The following SVIL variants were observed in gnomAD, a reference collection of about 807,000 sequenced individuals.
The protein encoded by SVIL is archvillin.
A neutral mutation model predicts 240.4 loss-of-function variants in SVIL; 101 were observed. The observed-to-expected ratio is 0.42, with a 90% confidence interval of 0.36 to 0.50. The LOEUF (loss-of-function observed/expected upper bound fraction) is 0.50. Ranked by LOEUF, SVIL falls within the 20% of genes least tolerant of loss-of-function variation. SVIL has a pLI of 0.01. For synonymous variants in SVIL, 999 were observed against 1,100.0 expected, an observed-to-expected ratio of 0.91 and a Z score of 1.82; for missense variants, 2,512 against 2,818.7, an observed-to-expected ratio of 0.89 and a Z score of 2.46.
intron 13 of SVIL, among the ~76,000 whole-genome samples, chr10:29,526,301 C>CTT (rs1950903617): frequency 1.6e-5 from 2 of 122,314 alleles, no homozygotes; most frequent in South Asian, 2.6e-4. Flanking sequence ...CTTTTTTTCT[C>CTT]TTTCTTTTTT....
At chr10:29,645,200 C>G (rs1589444878) in intron 3 of SVIL, among the ~76,000 whole-genome samples, 1 of 152,176 alleles carries the variant, frequency 6.6e-6, no homozygotes, top group East Asian at 1.9e-4. Context: ...ATTCTAAAAA[C>G]TTGAAATTCT....
intron 1 of SVIL, among the ~76,000 whole-genome samples, chr10:29,692,656 A>AT (rs1564768155): frequency 2.0e-5 from 3 of 149,698 alleles, no homozygotes; most frequent in Non-Finnish European, 4.4e-5. Context: ...TATATATATA[A>AT]AAATATATTT....
intron 22 of SVIL, among the ~76,000 whole-genome samples, chr10:29,489,030 A>C (rs1947705447): frequency 6.6e-6 from 1 of 152,264 alleles, no homozygotes; most frequent in Admixed American, 6.5e-5. Context: ...TGGACCAGCT[A>C]CTTTAGTACA....
intron 16 of SVIL, among the ~76,000 whole-genome samples, chr10:29,514,579 G>A: frequency 6.6e-6 from 1 of 152,154 alleles, no homozygotes; most frequent in Admixed American, 6.5e-5. Flanking sequence ...ACAGGTGCTT[G>A]CTATGTTGCC....
At chr10:29,543,773 G>A (rs555808303) in intron 6 of SVIL, among the ~76,000 whole-genome samples, 1 of 152,096 alleles carries the variant, frequency 6.6e-6, no homozygotes, top group African/African-American at 2.4e-5. Flanking sequence ...TTATATGCAT[G>A]TATTACATAT....
At chr10:29,530,264 G>C (rs1951262238) in intron 11 of SVIL, among the ~76,000 whole-genome samples, 1 of 149,760 alleles carries the variant, frequency 6.7e-6, no homozygotes, top group South Asian at 2.1e-4. Context: ...GGACCTACAG[G>C]AGGGGTCACT....
At chr10:29,582,551 A>G (rs1356497558) in intron 1 of SVIL, among the ~76,000 whole-genome samples, 2 of 152,138 alleles carry the variant, frequency 1.3e-5, no homozygotes, top group Admixed American at 6.5e-5. Flanking sequence ...AGCCTGGGCA[A>G]CATAGTGAGA....
rs143433487 is a variant in SVIL at position 29,518,384 on chromosome 10, G to A, written c.3389+4026C>T. 1.6e-3 allele frequency among the ~76,000 whole-genome samples: 249 copies of A among 151,814 alleles called. 1 individual carries two copies. The highest frequency in any genetic ancestry group is 5.6e-3 in the African/African-American group (233 of 41,404). On this transcript the variant is annotated intron_variant, in intron 16 of 37. Transcript: ENST00000355867. ...GCGTGGGCTACAGAGTGAGACTCTTGTCTCAGAAAATAAACAAATAAATAA... is the reference window on the plus strand; with the variant it reads ...GCGTGGGCTACAGAGTGAGACTCTTATCTCAGAAAATAAACAAATAAATAA...
chr10:29,555,195 G>A (rs562787953), intron 3 of SVIL, 87 bp from the exon 4 acceptor site: 7 of 1,253,616 alleles, frequency 5.6e-6, no homozygotes, highest in Non-Finnish European at 7.6e-6. Flanking sequence ...TTATTGAACT[G>A]CAAATTTCAG....
chr10:29,509,324 G>GAGAGAGA (rs1564540768), intron 17 of SVIL, among the ~76,000 whole-genome samples: 5 of 79,814 alleles, frequency 6.3e-5, no homozygotes, highest in Non-Finnish European at 1.4e-4. Flanking sequence ...GGAGAAGGAG[G>GAGAGAGA]GGGAGGGAGA....
At chr10:29,724,089 C>A (rs1301233072) in intron 1 of SVIL, among the ~76,000 whole-genome samples, 6 of 151,880 alleles carry the variant, frequency 4.0e-5, no homozygotes, top group Non-Finnish European at 8.8e-5. Context: ...AAGGATGCTA[C>A]TATTTGAACC....
intron 34 of SVIL, 67 bp from the exon 35 acceptor site, chr10:29,463,702 C>A: frequency 3.2e-6 from 5 of 1,568,504 alleles, no homozygotes; most frequent in Non-Finnish European, 4.3e-6. Flanking sequence ...CTCACTCCTC[C>A]CCCAACCTAG....
chr10:29,555,202 T>C, intron 3 of SVIL, 94 bp from the exon 4 acceptor site: 1 of 1,215,558 alleles, frequency 8.2e-7, no homozygotes, highest in Non-Finnish European at 1.1e-6. Flanking sequence ...ACTGCAAATT[T>C]CAGTTCTTGA....
intron 5 of SVIL, among the ~76,000 whole-genome samples, chr10:29,553,025 C>A (rs1831330867): frequency 6.6e-6 from 1 of 151,542 alleles, no homozygotes; most frequent in African/African-American, 2.4e-5. Flanking sequence ...GCCGTGTTGT[C>A]CAGGCTAATC....
chr10:29,527,865 A>G (rs899535270), intron 12 of SVIL, among the ~76,000 whole-genome samples: 7 of 150,794 alleles, frequency 4.6e-5, no homozygotes, highest in African/African-American at 1.7e-4. Flanking sequence ...AGCTGGGATT[A>G]CAGGCGTGCG....
chr10:29,524,478 C>T lies in SVIL; in HGVS notation c.2580G>A (p.Val860=). ...CGGACTATAGCACACCCACCTGCTC[C>T]ACCTCTCCCAGTGTGACTGGCTGAG... is the stretch of plus-strand genomic sequence containing the variant. The part of the protein sequence containing the change: ...YQTQPVTLGE[V]EQVQSGKLIP... The change falls in exon 14 of 38, where the codon GTG becomes GTA. Residue 860 remains valine, a synonymous_variant. Coordinates refer to ENST00000355867, the MANE Select transcript of SVIL (RefSeq NM_021738.3). 6.2e-7 allele frequency: 1 copy of T among 1,614,076 alleles called. No individual in the cohort carries two copies. The highest frequency in any genetic ancestry group is 8.5e-7 in the Non-Finnish European group (1 of 1,180,000).
At chr10:29,681,419 G>GTA (rs1960639475) in intron 2 of SVIL, among the ~76,000 whole-genome samples, 1 of 150,072 alleles carries the variant, frequency 6.7e-6, no homozygotes, top group East Asian at 2.0e-4. Flanking sequence ...GTGTGTGTGT[G>GTA]TGTGTGTGTG....
intron 1 of SVIL, among the ~76,000 whole-genome samples, chr10:29,694,604 T>C (rs896925640): frequency 3.9e-5 from 6 of 152,000 alleles, no homozygotes; most frequent in Non-Finnish European, 8.8e-5. Flanking sequence ...GGATTACAGG[T>C]GTGTGCCATC....
At chr10:29,648,857 G>A (rs183673379) in intron 3 of SVIL, among the ~76,000 whole-genome samples, 3 of 152,206 alleles carry the variant, frequency 2.0e-5, no homozygotes, top group Non-Finnish European at 1.5e-5. Flanking sequence ...TGTTTCTTGG[G>A]CTGGGCATAG....
Sources: allele counts gnomAD v4.1 joint callset (sites outside exome capture counted in the v4.1 genomes callset), GRCh38; gene constraint gnomAD v4.1.1; transcripts MANE v1.5; gene names NCBI Gene and HGNC (gene_info 2026-07-23, HGNC 2026-07-21).